The following PLCZ1 variants were observed in gnomAD, a reference collection of about 807,000 sequenced individuals.
PLCZ1 encodes the protein phospholipase C zeta 1.
In PLCZ1, 64 loss-of-function variants were observed where a neutral mutation model predicts 76.8. That is an observed-to-expected ratio of 0.83 (90% CI 0.68 to 1.03). PLCZ1 has a LOEUF of 1.03. Ranked by LOEUF, PLCZ1 falls within the 50% of genes least tolerant of loss-of-function variation. The probability of loss-of-function intolerance (pLI) is 0.00; values close to 1 mark genes in which losing one functional copy is unlikely to be tolerated. For missense variants in PLCZ1, 751 were observed against 713.7 expected (o/e 1.05, Z -0.60); for synonymous variants, 248 against 230.8 (o/e 1.07, Z -0.68).
intron 5 of PLCZ1, among the ~76,000 whole-genome samples, chr12:18,717,463 TATCTAATC>T (rs1958117641): frequency 6.6e-6 from 1 of 152,218 alleles, no homozygotes; most frequent in African/African-American, 2.4e-5. Flanking sequence ...TAAGTAATGC[TATCTAATC>T]ATTTGGTTTT....
chr12:18,646,239 T>A, the PLCZ1 span, among the ~76,000 whole-genome samples: 1 of 152,156 alleles, frequency 6.6e-6, no homozygotes, highest in Non-Finnish European at 1.5e-5. Context: ...ACATCAGTAA[T>A]TTTGAATAAA....
chr12:18,698,242 C>CTTCTATTCTATTCTATTCTATTCTA (rs10659264), intron 10 of PLCZ1, among the ~76,000 whole-genome samples: 2,043 of 145,494 alleles, frequency 0.014, 29 homozygotes, highest in African/African-American at 0.016. Flanking sequence ...ATACACTTTT[C>CTTCTATTCTATTCTATTCTATTCTA]TTCTATTCTA....
At chr12:18,698,295 C>G (rs11044256) in intron 10 of PLCZ1, among the ~76,000 whole-genome samples, 1 of 151,936 alleles carries the variant, frequency 6.6e-6, no homozygotes, top group Non-Finnish European at 1.5e-5. Flanking sequence ...CTACTCCATT[C>G]CATTCCATTC....
chr12:18,659,316 G>A, the PLCZ1 span, among the ~76,000 whole-genome samples: 1 of 152,082 alleles, frequency 6.6e-6, no homozygotes, highest in Non-Finnish European at 1.5e-5. Flanking sequence ...GAAAACAAAA[G>A]TAGTCAGACA....
At chr12:18,665,876 A>G in the PLCZ1 span, among the ~76,000 whole-genome samples, 1 of 150,986 alleles carries the variant, frequency 6.6e-6, no homozygotes, top group Non-Finnish European at 1.5e-5. Flanking sequence ...CAGAGGTTGC[A>G]GTGAGCCAAG....
the PLCZ1 span, among the ~76,000 whole-genome samples, chr12:18,654,294 TA>T: frequency 0.56 from 79,512 of 142,452 alleles, 22,139 homozygotes; most frequent in East Asian, 0.7. Context: ...CACTAGTACC[TA>T]AAAAAAAAAA....
chr12:18,669,869 C>T, the PLCZ1 span, among the ~76,000 whole-genome samples: 2 of 152,114 alleles, frequency 1.3e-5, no homozygotes, highest in Non-Finnish European at 2.9e-5. Context: ...CAGGGTTTCA[C>T]CACGTTGCTC....
intron 6 of PLCZ1, 127 bp from the exon 7 acceptor site, chr12:18,705,442 T>G (rs1462226764): frequency 1.8e-6 from 2 of 1,109,830 alleles, no homozygotes; most frequent in Non-Finnish European, 2.6e-6. Flanking sequence ...AAATAACTAT[T>G]CTTTAAACTG....
intron 3 of PLCZ1, among the ~76,000 whole-genome samples, chr12:18,724,268 C>T (rs1438124854): frequency 1.3e-5 from 2 of 151,948 alleles, no homozygotes; most frequent in Admixed American, 6.6e-5. Flanking sequence ...AAAGAACAGA[C>T]CTCGGTGAAA....
At chr12:18,658,355 G>A in the PLCZ1 span, among the ~76,000 whole-genome samples, 1 of 152,056 alleles carries the variant, frequency 6.6e-6, no homozygotes, top group Non-Finnish European at 1.5e-5. Context: ...ACTCTAAGTA[G>A]GATAAACATA....
the PLCZ1 span, among the ~76,000 whole-genome samples, chr12:18,664,007 T>A: frequency 1.8e-4 from 28 of 152,190 alleles, no homozygotes; most frequent in Non-Finnish European, 2.4e-4. Flanking sequence ...ATGCTCAACA[T>A]CACTAATCAT....
At chr12:18,652,484 C>T in the PLCZ1 span, among the ~76,000 whole-genome samples, 11 of 152,160 alleles carry the variant, frequency 7.2e-5, no homozygotes, top group African/African-American at 2.7e-4. Flanking sequence ...CTTGGACTTA[C>T]AGCCTCCAAA....
chr12:18,663,778 A>G, the PLCZ1 span, among the ~76,000 whole-genome samples: 1 of 152,178 alleles, frequency 6.6e-6, no homozygotes, highest in South Asian at 2.1e-4. Flanking sequence ...AATGTTGTGC[A>G]TCTGAAAACA....
intron 12 of PLCZ1, among the ~76,000 whole-genome samples, chr12:18,688,643 T>C (rs992488220): frequency 6.6e-6 from 1 of 151,900 alleles, no homozygotes; most frequent in Admixed American, 6.6e-5. Flanking sequence ...TGTGATAGCA[T>C]TTTCTGAGTT....
intron 10 of PLCZ1, among the ~76,000 whole-genome samples, chr12:18,697,852 G>A (rs752939531): frequency 8.0e-5 from 12 of 150,718 alleles, no homozygotes; most frequent in Non-Finnish European, 1.6e-4. Context: ...CATCCTTGAA[G>A]TTAAACCTTT....
intron 6 of PLCZ1, among the ~76,000 whole-genome samples, 155 bp downstream of exon 6, chr12:18,712,687 T>C (rs1957481943): frequency 2.0e-5 from 3 of 152,176 alleles, no homozygotes; most frequent in Admixed American, 6.5e-5. Context: ...TACCTTTAAC[T>C]ATATACAACA....
At chr12:18,669,641 G>A in the PLCZ1 span, among the ~76,000 whole-genome samples, 1 of 151,738 alleles carries the variant, frequency 6.6e-6, no homozygotes, top group Non-Finnish European at 1.5e-5. Context: ...GGCAGAGAGA[G>A]GAAGCTCTGG....
At chr12:18,654,694 A>G in the PLCZ1 span, among the ~76,000 whole-genome samples, 1 of 152,200 alleles carries the variant, frequency 6.6e-6, no homozygotes, top group East Asian at 1.9e-4. Context: ...CCAGTTGAGT[A>G]CTTGGTCTGG....
the PLCZ1 span, among the ~76,000 whole-genome samples, chr12:18,676,315 C>G: frequency 6.6e-6 from 1 of 152,038 alleles, no homozygotes; most frequent in African/African-American, 2.4e-5. Flanking sequence ...CTTAAACCAC[C>G]AAGCCAGGTT....
Sources: allele counts gnomAD v4.1 joint callset (sites outside exome capture counted in the v4.1 genomes callset), GRCh38; gene constraint gnomAD v4.1.1; transcripts MANE v1.5; gene names NCBI Gene and HGNC (gene_info 2026-07-23, HGNC 2026-07-21).